The following MBD5 variants were observed in gnomAD, a reference collection of about 807,000 sequenced individuals.
MBD5 encodes the protein methyl-CpG binding domain protein 5.
Under a neutral mutation model 117.3 loss-of-function variants are expected in MBD5, and 13 were observed. The observed-to-expected ratio is 0.11, with a 90% CI of 0.07 to 0.18. The LOEUF is 0.18. MBD5 is among the 10% of genes least tolerant of loss of function. The pLI is 1.00. For synonymous variants in MBD5, 727 were observed against 766.4 expected (o/e 0.95, Z 0.85); for missense variants, 1,879 against 2,093.8 (o/e 0.90, Z 2.00).
chr2:148,464,661 A>C (rs1707201025), intron 7 of MBD5, among the ~76,000 whole-genome samples: 1 of 151,990 alleles, frequency 6.6e-6, no homozygotes, highest in African/African-American at 2.4e-5. Flanking sequence ...TTATAGTTTC[A>C]CAGAAATTCA....
intron 8 of MBD5, among the ~76,000 whole-genome samples, chr2:148,481,073 T>G (rs922657255): frequency 1.2e-4 from 19 of 152,216 alleles, no homozygotes; most frequent in East Asian, 3.9e-4. Context: ...TTTGCTTCCC[T>G]TTTTTTGATT....
rs1462429635 is a variant in MBD5 at position 148,458,454 on chromosome 2, CA to C, written c.-304del. ...TTACACTCCCCACCCCCACTTCAGA[CA>C]GGTACCAGCATTGGTGAATTATGAT... is the stretch of plus-strand genomic sequence containing the variant. On this transcript the variant is annotated 5_prime_UTR_variant, in exon 5 of 14. Transcript: ENST00000642680. 1 of 568,782 alleles carries C rather than the reference CA, an allele frequency of 1.8e-6. No homozygotes were observed. The highest frequency in any genetic ancestry group is 3.1e-6 in the Non-Finnish European group (1 of 321,024). The allele number at this position is 568,782 out of a possible 1,614,324, so 35.2% of individuals were successfully genotyped here. A position where few individuals can be genotyped will look rare whatever the true frequency, so the allele number is the denominator to read the frequency against.
chr2:148,180,531 T>C lies in MBD5; in HGVS notation c.-831+1738T>C, dbSNP rs551955761. 2.8e-4 allele frequency among the ~76,000 whole-genome samples: 43 copies of C among 151,446 alleles called. No individual in the cohort carries two copies. In the South Asian group the frequency reaches 8.2e-3, roughly 29 times the overall value. On this transcript the variant is annotated intron_variant, in intron 2 of 13. Coordinates refer to ENST00000642680, the MANE Select transcript of MBD5 (RefSeq NM_001378120.1). Reference sequence around the variant, plus strand: ...TCTGGTTTTTGTTGTTGTTGTCGTGTGTTTGTTTGTTTGTTTTGAGGCAGG... The same window carrying C: ...TCTGGTTTTTGTTGTTGTTGTCGTGCGTTTGTTTGTTTGTTTTGAGGCAGG...
chr2:148,393,460 A>G (rs1704620786), intron 4 of MBD5: 1 of 152,196 alleles, frequency 6.6e-6, no homozygotes. Context: ...TCCTTTTCCA[A>G]GGACATCTCT....
At chr2:148,033,656 G>T (rs572103604) in intron 1 of MBD5, among the ~76,000 whole-genome samples, 7 of 152,252 alleles carry the variant, frequency 4.6e-5, no homozygotes, top group African/African-American at 1.7e-4. Context: ...AATTGTAAGA[G>T]ACAAGGAAGA....
chr2:148,229,779 C>G (rs1007028992), intron 2 of MBD5, among the ~76,000 whole-genome samples: 3 of 152,168 alleles, frequency 2.0e-5, no homozygotes, highest in African/African-American at 7.2e-5. Context: ...CTTGATGGTC[C>G]TGGACAACAT....
chr2:148,166,767 C>G (rs1227718318), intron 1 of MBD5, among the ~76,000 whole-genome samples: 1 of 151,994 alleles, frequency 6.6e-6, no homozygotes, highest in Non-Finnish European at 1.5e-5. Context: ...TTATTTGTGC[C>G]TATTGGAATT....
In MBD5 at chr2:148,053,916, T is replaced by A. The variant is rs1457128614; in HGVS notation, c.-925+32232T>A. 2.0e-5 allele frequency: 3 copies of A among 151,654 alleles called. No homozygotes were observed. The South Asian group carries it at 6.2e-4, about 32-fold the overall frequency. The allele number at this position is 151,654 out of a possible 1,614,324, so 9.4% of individuals were successfully genotyped here. A position where few individuals can be genotyped will look rare whatever the true frequency, so the allele number is the denominator to read the frequency against. Reference sequence around the variant, plus strand: ...TATCTTTCTTTCTTTTTTTCTTTTTTTTTTTTTCTATGACAGGGTTTTGCT... The same window carrying A: ...TATCTTTCTTTCTTTTTTTCTTTTTATTTTTTTCTATGACAGGGTTTTGCT... On this transcript the variant is annotated intron_variant, in intron 1 of 13. Coordinates refer to ENST00000642680, the MANE Select transcript of MBD5 (RefSeq NM_001378120.1).
At chr2:148,027,448 C>A (rs569985151) in intron 1 of MBD5, 4 of 151,972 alleles carry the variant, frequency 2.6e-5, no homozygotes, top group Non-Finnish European at 5.9e-5. Context: ...ACTTAAGTAA[C>A]TTTTGTGTCT....
At chr2:148,047,233 C>A (rs983985005) in intron 1 of MBD5, among the ~76,000 whole-genome samples, 1 of 152,102 alleles carries the variant, frequency 6.6e-6, no homozygotes, top group Non-Finnish European at 1.5e-5. Flanking sequence ...TGTTTTTTTA[C>A]TTCTAGTGTC....
chr2:148,143,936 A>G (rs1697379835), intron 1 of MBD5, among the ~76,000 whole-genome samples: 1 of 152,212 alleles, frequency 6.6e-6, no homozygotes, highest in East Asian at 1.9e-4. Context: ...TCTTCATAGC[A>G]GCATGATTTA....
intron 3 of MBD5, chr2:148,264,428 G>T (rs570004948): frequency 6.6e-6 from 1 of 152,242 alleles, no homozygotes; most frequent in South Asian, 2.1e-4. Context: ...ATAGTAGCTG[G>T]TATTCAAACC....
chr2:148,307,380 A>T (rs552504905), intron 3 of MBD5, among the ~76,000 whole-genome samples: 22 of 106,790 alleles, frequency 2.1e-4, no homozygotes, highest in African/African-American at 6.7e-4. Flanking sequence ...CAACTTGATT[A>T]TACAAAATTT....
intron 3 of MBD5, among the ~76,000 whole-genome samples, chr2:148,325,960 C>T (rs2106600738): frequency 6.6e-6 from 1 of 152,236 alleles, no homozygotes; most frequent in East Asian, 1.9e-4. Flanking sequence ...CCTGCTTTCT[C>T]TTGTGGGCAT....
At position 148,070,721 on chromosome 2, in the gene MBD5, T is replaced by A. The variant is rs1317896426; in HGVS notation, c.-925+49037T>A. On this transcript the variant is annotated intron_variant, in intron 1 of 13. Coordinates refer to ENST00000642680, the MANE Select transcript of MBD5 (RefSeq NM_001378120.1). ...TAGAAAAGCCTGGCAACTTCTCTAG[T>A]GTGAAAGTTGAAAATGCAGAAATAA... Among the ~76,000 whole-genome samples, 5 of 152,208 alleles carry A rather than the reference T, an allele frequency of 3.3e-5. No individual in the cohort carries two copies. In the East Asian group the frequency reaches 9.6e-4, roughly 29 times the overall value.
At chr2:148,381,578 C>G (rs1305754616) in intron 4 of MBD5, among the ~76,000 whole-genome samples, 1 of 152,060 alleles carries the variant, frequency 6.6e-6, no homozygotes, top group African/African-American at 2.4e-5. Flanking sequence ...GCAAGGCAGG[C>G]CAACATTCAA....
chr2:148,287,197 G>A (rs1701387067), intron 3 of MBD5, among the ~76,000 whole-genome samples: 1 of 151,970 alleles, frequency 6.6e-6, no homozygotes, highest in South Asian at 2.1e-4. Context: ...GGCTTTATTT[G>A]TGATGTGAGT....
chr2:148,256,925 C>G (rs747923961), intron 3 of MBD5, among the ~76,000 whole-genome samples: 34 of 152,336 alleles, frequency 2.2e-4, no homozygotes, highest in Middle Eastern at 3.4e-3. Context: ...TCCACTTTGC[C>G]AAAGTGGATG....
chr2:148,386,705 C>T (rs1704378290), intron 4 of MBD5, among the ~76,000 whole-genome samples: 1 of 111,862 alleles, frequency 8.9e-6, no homozygotes, highest in Non-Finnish European at 1.7e-5. Context: ...GGCGACAGAG[C>T]GAGACTCCGT....
Sources: gnomAD v4.1 joint callset for allele counts (sites outside exome capture counted in the v4.1 genomes callset) on GRCh38, gnomAD v4.1.1 for gene constraint, MANE v1.5 for transcripts, NCBI Gene and HGNC (gene_info 2026-07-23, HGNC 2026-07-21) for gene names.